The following NCAM1 variants were observed in gnomAD, a reference collection of about 807,000 sequenced individuals.
NCAM1 encodes antigen recognized by monoclonal antibody 5.1H11.
In NCAM1, 14 loss-of-function variants were observed where a neutral mutation model predicts 109.8. The observed-to-expected ratio is 0.13, with a 90% CI of 0.08 to 0.20. The LOEUF is 0.20. Ranked by LOEUF, NCAM1 falls within the 10% of genes least tolerant of loss-of-function variation. The pLI is 1.00. For synonymous variants in NCAM1, 418 were observed against 442.9 expected (o/e 0.94, Z 0.70); for missense variants, 774 against 1,109.9 (o/e 0.70, Z 4.30).
intron 15 of NCAM1, among the ~76,000 whole-genome samples, chr11:113,247,056 C>A (rs1555120378): frequency 6.6e-6 from 1 of 152,128 alleles, no homozygotes; most frequent in East Asian, 1.9e-4. Flanking sequence ...AATCAAGAAA[C>A]ACATGATTGA....
intron 1 of NCAM1, among the ~76,000 whole-genome samples, chr11:113,112,892 G>T (rs2135966086): frequency 6.6e-6 from 1 of 152,258 alleles, no homozygotes; most frequent in South Asian, 2.1e-4. Flanking sequence ...AGCACTTTGG[G>T]AGGCCGAGAC....
intron 1 of NCAM1, chr11:113,130,818 G>A (rs929538818): frequency 1.1e-4 from 17 of 152,160 alleles, no homozygotes; most frequent in South Asian, 8.3e-4. Flanking sequence ...GACCTTGTGC[G>A]TGGCTATTTC....
chr11:113,224,506 A>G (rs553435739), intron 9 of NCAM1, among the ~76,000 whole-genome samples: 1 of 152,248 alleles, frequency 6.6e-6, no homozygotes, highest in African/African-American at 2.4e-5. Flanking sequence ...CACCTCTGGC[A>G]GCAGGGCATA....
intron 1 of NCAM1, among the ~76,000 whole-genome samples, chr11:112,965,824 A>T (rs1282428325): frequency 2.0e-5 from 3 of 152,216 alleles, no homozygotes; most frequent in Non-Finnish European, 2.9e-5. Context: ...CTTAGTGTAA[A>T]ATAAGTGATT....
At chr11:113,042,046 C>T (rs1953098343) in intron 1 of NCAM1, among the ~76,000 whole-genome samples, 1 of 152,166 alleles carries the variant, frequency 6.6e-6, no homozygotes, top group East Asian at 1.9e-4. Flanking sequence ...TCACTCCCGC[C>T]TCCCTCCTCT....
At chr11:113,122,184 G>A (rs1940991198) in intron 1 of NCAM1, among the ~76,000 whole-genome samples, 1 of 152,184 alleles carries the variant, frequency 6.6e-6, no homozygotes, top group African/African-American at 2.4e-5. Flanking sequence ...GCAGAACTCA[G>A]TGTTTTTGTG....
At chr11:113,172,148 T>G (rs782267837) in intron 1 of NCAM1, among the ~76,000 whole-genome samples, 1 of 152,222 alleles carries the variant, frequency 6.6e-6, no homozygotes, top group Non-Finnish European at 1.5e-5. Flanking sequence ...CTGCTCAGTT[T>G]AGACCAGTTT....
At chr11:113,052,995 G>A (rs1409698187) in intron 1 of NCAM1, among the ~76,000 whole-genome samples, 1 of 152,136 alleles carries the variant, frequency 6.6e-6, no homozygotes, top group Admixed American at 6.5e-5. Flanking sequence ...GGGCTCCCCT[G>A]CCACAAAGAG....
At chr11:112,989,809 G>A (rs1321867294) in intron 1 of NCAM1, among the ~76,000 whole-genome samples, 1 of 152,152 alleles carries the variant, frequency 6.6e-6, no homozygotes, top group African/African-American at 2.4e-5. Flanking sequence ...TTTAAAGCCA[G>A]TAAATTTTTA....
At chr11:113,155,578 A>C (rs1011368390) in intron 1 of NCAM1, among the ~76,000 whole-genome samples, 5 of 152,260 alleles carry the variant, frequency 3.3e-5, no homozygotes. Flanking sequence ...GGAGTTGCTA[A>C]GGTAGAGTGC....
At chr11:113,063,367 A>G (rs541454147) in intron 1 of NCAM1, among the ~76,000 whole-genome samples, 1 of 152,306 alleles carries the variant, frequency 6.6e-6, no homozygotes, top group Admixed American at 6.5e-5. Flanking sequence ...GCTCTCTGCC[A>G]CTGCCTAGCC....
chr11:112,968,792 A>G (rs1555066185), intron 1 of NCAM1, among the ~76,000 whole-genome samples: 2 of 152,218 alleles, frequency 1.3e-5, no homozygotes, highest in African/African-American at 4.8e-5. Context: ...TGAAATAGGA[A>G]GAACAGATGG....
chr11:113,273,617 T>C lies in NCAM1; in HGVS notation c.2457-1650T>C, dbSNP rs1946339180. The C allele has an allele frequency of 2.2e-6, 1 of 453,814 alleles. No homozygotes were observed. Among genetic ancestry groups the C allele is most frequent in the Admixed American group, 2.4e-5 (1 of 42,310 alleles). The allele number at this position is 453,814 out of a possible 1,614,324, so 28.1% of individuals were successfully genotyped here. A position where few individuals can be genotyped will look rare whatever the true frequency, so the allele number is the denominator to read the frequency against. Reference sequence around the variant, plus strand: ...ACGAAGGGAACTTCAAGACCCCAGATATTGACCTTGCAAAGGATGTTTTTG... The same window carrying C: ...ACGAAGGGAACTTCAAGACCCCAGACATTGACCTTGCAAAGGATGTTTTTG... On this transcript the variant is annotated intron_variant, in intron 19 of 19. Transcript: ENST00000316851. This position sits in a 1 kb window ranked among gnomAD's most constrained non-coding sequence, Gnocchi z 6.0.
At position 113,220,602 on chromosome 11, in the gene NCAM1, C is replaced by CTTTTTTT. The variant is rs1175342641; in HGVS notation, c.1060-677_1060-671dup. Among the ~76,000 whole-genome samples, 313 of 75,580 alleles carry CTTTTTTT rather than the reference C, an allele frequency of 4.1e-3. 62 individuals are homozygous for CTTTTTTT. Among genetic ancestry groups the CTTTTTTT allele is most frequent in the African/African-American group, 0.014 (229 of 16,416 alleles). 49.6% of individuals were successfully genotyped at this position (75,580 alleles called of 152,430 possible). ...AGACCTATTCTCTCTCTCTCTCTCT[C>CTTTTTTT]TTTTTTTTTTTTTTTTTTTTTTTGA... is the stretch of plus-strand genomic sequence containing the variant. On this transcript the variant is annotated intron_variant, in intron 8 of 19. Transcript: ENST00000316851.
intron 1 of NCAM1, among the ~76,000 whole-genome samples, chr11:113,143,674 TC>T (rs1351573005): frequency 7.2e-5 from 11 of 152,152 alleles, no homozygotes; most frequent in African/African-American, 2.7e-4. Flanking sequence ...TGATTAATCA[TC>T]CCCCAGTTAA....
intron 1 of NCAM1, among the ~76,000 whole-genome samples, chr11:113,054,555 T>G (rs1435909712): frequency 1.3e-5 from 2 of 152,190 alleles, no homozygotes; most frequent in Non-Finnish European, 2.9e-5. Flanking sequence ...CTTATAGCCT[T>G]AAAAGTTTAC....
intron 1 of NCAM1, among the ~76,000 whole-genome samples, chr11:113,148,715 C>A (rs1369814): frequency 0.082 from 12,448 of 152,214 alleles, 648 homozygotes; most frequent in Non-Finnish European, 0.11. Context: ...TACTTTCAAA[C>A]CTGCTCACTC....
At chr11:113,017,190 C>A (rs567566075) in intron 1 of NCAM1, among the ~76,000 whole-genome samples, 1 of 152,182 alleles carries the variant, frequency 6.6e-6, no homozygotes, top group Non-Finnish European at 1.5e-5. Context: ...GAGAGACACT[C>A]TTCGTTTACT....
At chr11:113,075,170 A>G (rs745631) in intron 1 of NCAM1, among the ~76,000 whole-genome samples, 45,719 of 151,772 alleles carry the variant, frequency 0.3, 7,703 homozygotes, top group East Asian at 0.63. Context: ...TGGCTCAAGC[A>G]ATCCTCCTGC....
Sources: gnomAD v4.1 joint callset for allele counts (sites outside exome capture counted in the v4.1 genomes callset) on GRCh38, gnomAD v4.1.1 for gene constraint, Gnocchi (gnomAD v3.1) non-coding constraint, MANE v1.5 for transcripts, NCBI Gene and HGNC (gene_info 2026-07-23, HGNC 2026-07-21) for gene names.